The following COL22A1 variants were observed in gnomAD, a reference collection of about 807,000 sequenced individuals.
COL22A1 encodes collagen alpha-1(XXII) chain.
A neutral mutation model predicts 248.9 loss-of-function variants in COL22A1; 221 were observed. The ratio of observed to expected loss-of-function variants is 0.89; its 90% CI spans 0.80 to 0.99. The LOEUF (loss-of-function observed/expected upper bound fraction) is 0.99, where lower values mean the gene tolerates loss of function less well. COL22A1 is among the 50% of genes least tolerant of loss of function. The pLI is 0.00. For synonymous variants in COL22A1, 891 were observed against 793.4 expected, an observed-to-expected ratio of 1.12 and a Z score of -2.07; for missense variants, 2,240 against 2,179.0, an observed-to-expected ratio of 1.03 and a Z score of -0.56.
chr8:138,728,709 C>A (rs1464668799), intron 23 of COL22A1, among the ~76,000 whole-genome samples: 82 of 151,962 alleles, frequency 5.4e-4, no homozygotes, highest in Admixed American at 5.4e-3. Context: ...AAAACTGAGG[C>A]CCAAAGAGGG....
chr8:138,675,390 C>G (rs1825428862), intron 41 of COL22A1, among the ~76,000 whole-genome samples: 1 of 152,160 alleles, frequency 6.6e-6, no homozygotes. Flanking sequence ...TACTCTTAAT[C>G]ACTCTTGGTC....
At chr8:138,716,919 G>C in intron 27 of COL22A1, 50 bp from the exon 28 acceptor site, 2 of 1,374,168 alleles carry the variant, frequency 1.5e-6, no homozygotes, top group Non-Finnish European at 2.1e-6. Flanking sequence ...ACTTTAAAGA[G>C]ATGACTGCCA....
At chr8:138,851,573 C>G (rs905817793) in intron 3 of COL22A1, among the ~76,000 whole-genome samples, 2 of 152,172 alleles carry the variant, frequency 1.3e-5, no homozygotes, top group Non-Finnish European at 2.9e-5. Flanking sequence ...GACCTCCTTT[C>G]CCTCCCAGGG....
At chr8:138,708,517 A>T (rs7812795) in intron 30 of COL22A1, among the ~76,000 whole-genome samples, 3,440 of 152,344 alleles carry the variant, frequency 0.023, 60 homozygotes, top group Middle Eastern at 0.051. Flanking sequence ...GACAAACATG[A>T]CAAAAACAAG....
chr8:138,826,856 C>A, intron 5 of COL22A1, 75 bp from the exon 6 acceptor site: 1 of 1,554,456 alleles, frequency 6.4e-7, no homozygotes. Flanking sequence ...CCCACACAAC[C>A]CAGCAGTGAT....
At chr8:138,785,521 C>T (rs1815440787) in intron 12 of COL22A1, among the ~76,000 whole-genome samples, 1 of 152,212 alleles carries the variant, frequency 6.6e-6, no homozygotes, top group African/African-American at 2.4e-5. Flanking sequence ...GGGGGTGACT[C>T]GCCTGAGATG....
chr8:138,660,334 G>A, intron 44 of COL22A1, 102 bp downstream of exon 44: 3 of 989,226 alleles, frequency 3.0e-6, no homozygotes, highest in Non-Finnish European at 4.8e-6. Flanking sequence ...TTTGTCAAAT[G>A]TTCCTTTGTT....
chr8:138,896,401 T>C (rs1332750520), intron 1 of COL22A1, among the ~76,000 whole-genome samples: 1 of 152,148 alleles, frequency 6.6e-6, no homozygotes, highest in Non-Finnish European at 1.5e-5. Context: ...AAACTCAAAG[T>C]GGTAAAACAT....
intron 23 of COL22A1, among the ~76,000 whole-genome samples, chr8:138,732,812 A>G (rs558259882): frequency 1.7e-4 from 26 of 152,242 alleles, no homozygotes; most frequent in Non-Finnish European, 3.2e-4. Context: ...AGTAGTTACA[A>G]TGATGATGCA....
Position 138,694,819 on chromosome 8 carries a change from G to C in COL22A1, c.2646+7C>G, listed in dbSNP as rs1323264641. 2 of 1,613,936 alleles carry C rather than the reference G, an allele frequency of 1.2e-6. No homozygotes were observed. The highest frequency in any genetic ancestry group is 1.7e-4 in the Middle Eastern group (1 of 6,060). On this transcript the variant is annotated splice_region_variant and intron_variant, in intron 33 of 64. Coordinates refer to ENST00000303045, the MANE Select transcript of COL22A1 (RefSeq NM_152888.3). The stretch of plus-strand genomic sequence containing the variant: ...CCCTGCGGGGGAAGGGGACACAAGA[G>C]ACTCACCGGTTCCCCAGGCAGGCCT...
intron 45 of COL22A1, among the ~76,000 whole-genome samples, chr8:138,652,787 C>G (rs537363484): frequency 7.2e-4 from 74 of 103,186 alleles, no homozygotes; most frequent in African/African-American, 2.4e-3. Context: ...TGCTCTGTCA[C>G]CCAGCTTGGA....
chr8:138,615,111 T>C (rs1215528346), intron 55 of COL22A1, among the ~76,000 whole-genome samples: 1 of 152,196 alleles, frequency 6.6e-6, no homozygotes, highest in African/African-American at 2.4e-5. Flanking sequence ...CCCTGGGGGA[T>C]GTGGAGCTGG....
intron 12 of COL22A1, among the ~76,000 whole-genome samples, chr8:138,787,665 C>G (rs1028051622): frequency 1.3e-5 from 2 of 152,140 alleles, no homozygotes; most frequent in African/African-American, 4.8e-5. Context: ...AGAAGACAAC[C>G]AAGGCTCAGA....
chr8:138,900,912 A>G (rs1486647119), intron 1 of COL22A1, among the ~76,000 whole-genome samples: 1 of 152,224 alleles, frequency 6.6e-6, no homozygotes, highest in Non-Finnish European at 1.5e-5. Context: ...ACACAAAAAA[A>G]GCAGGGTCAT....
At position 138,613,076 on chromosome 8, in the gene COL22A1, G is replaced by A. The variant is rs1183651685; in HGVS notation, c.3978+791C>T. On this transcript the variant is annotated intron_variant, in intron 56 of 64. Coordinates refer to ENST00000303045, the MANE Select transcript of COL22A1 (RefSeq NM_152888.3). ...ATCCTGGCTAACACAGTGAAACCCC[G>A]TCTCTACTAAAAATATAAAAATTTA... Among the ~76,000 whole-genome samples the A allele has an allele frequency of 3.3e-5, 5 of 150,550 alleles. No homozygotes were observed. The South Asian group carries it at 6.3e-4, about 19-fold the overall frequency.
At chr8:138,872,463 T>G (rs1261514718) in intron 3 of COL22A1, among the ~76,000 whole-genome samples, 1 of 152,166 alleles carries the variant, frequency 6.6e-6, no homozygotes, top group Non-Finnish European at 1.5e-5. Context: ...ACCACCATAG[T>G]GTGTCCTCAA....
At chr8:138,643,609 T>TATAG (rs57015617) in intron 47 of COL22A1, among the ~76,000 whole-genome samples, 53,143 of 146,348 alleles carry the variant, frequency 0.36, 10,220 homozygotes, top group Non-Finnish European at 0.43. Flanking sequence ...CCCTATGCAA[T>TATAG]ATAGATAGAT....
At chr8:138,792,542 T>C (rs1168399249) in intron 12 of COL22A1, among the ~76,000 whole-genome samples, 3 of 152,220 alleles carry the variant, frequency 2.0e-5, no homozygotes, top group Non-Finnish European at 4.4e-5. Context: ...GAAAAGAGCA[T>C]CTGTCCTTGT....
intron 23 of COL22A1, among the ~76,000 whole-genome samples, chr8:138,733,018 T>C (rs959526670): frequency 1.2e-4 from 18 of 152,098 alleles, no homozygotes; most frequent in African/African-American, 4.3e-4. Flanking sequence ...AATTTGGGAG[T>C]CTTCCTCTGA....
Sources: allele counts gnomAD v4.1 joint callset (sites outside exome capture counted in the v4.1 genomes callset), GRCh38; gene constraint gnomAD v4.1.1; transcripts MANE v1.5; gene names NCBI Gene and HGNC (gene_info 2026-07-23, HGNC 2026-07-21).